DLG1: variants seen among roughly 807,000 people sequenced by gnomAD.
The protein encoded by DLG1 is disks large homolog 1.
Under a neutral mutation model 123.4 loss-of-function variants are expected in DLG1, and 42 were observed. That is an observed-to-expected ratio of 0.34 (90% CI 0.27 to 0.44). DLG1 has a LOEUF of 0.44. DLG1 is among the 20% of genes least tolerant of loss of function. The pLI is 1.00. For missense variants in DLG1, 942 were observed against 1,082.6 expected, an observed-to-expected ratio of 0.87 and a Z score of 1.82; for synonymous variants, 317 against 356.2, an observed-to-expected ratio of 0.89 and a Z score of 1.24.
At chr3:197,188,260 T>G (rs1366148620) in intron 5 of DLG1, among the ~76,000 whole-genome samples, 1 of 152,196 alleles carries the variant, frequency 6.6e-6, no homozygotes, top group African/African-American at 2.4e-5. Flanking sequence ...AGTAACGGCC[T>G]CCTCCTCTGA....
chr3:197,170,504 C>G (rs1280169213), intron 5 of DLG1, among the ~76,000 whole-genome samples: 1 of 152,116 alleles, frequency 6.6e-6, no homozygotes, highest in African/African-American at 2.4e-5. Flanking sequence ...CTCTAATGAT[C>G]AGTGACGCTA....
chr3:197,243,259 G>A (rs1052154603), intron 4 of DLG1, among the ~76,000 whole-genome samples: 5 of 152,122 alleles, frequency 3.3e-5, no homozygotes, highest in African/African-American at 1.2e-4. Context: ...TTCGAGTAAG[G>A]CGGCATGGGT....
chr3:197,114,993 A>G (rs1359267189), intron 13 of DLG1, among the ~76,000 whole-genome samples: 3 of 149,798 alleles, frequency 2.0e-5, no homozygotes, highest in Non-Finnish European at 4.5e-5. Flanking sequence ...CAAGGAAAAA[A>G]AAAAAAAAAA....
chr3:197,237,156 G>A (rs564735054), intron 4 of DLG1, among the ~76,000 whole-genome samples: 20 of 152,218 alleles, frequency 1.3e-4, no homozygotes, highest in East Asian at 1.2e-3. Context: ...GAAAGAGAGC[G>A]TAGACACTTT....
intron 4 of DLG1, among the ~76,000 whole-genome samples, chr3:197,281,133 G>A (rs1401749623): frequency 1.3e-5 from 2 of 151,738 alleles, no homozygotes; most frequent in African/African-American, 4.9e-5. Flanking sequence ...CGCCTCCCAG[G>A]TTCAAGCAAT....
intron 3 of DLG1, among the ~76,000 whole-genome samples, chr3:197,288,743 A>AAAAACATACATACATACATAC (rs1553827364): frequency 1.4e-5 from 1 of 72,078 alleles, no homozygotes; most frequent in Non-Finnish European, 2.4e-5. Context: ...AAAAAAAAAA[A>AAAAACATACATACATACATAC]ATACATACAT....
rs1737903902 is a variant in DLG1 at position 197,064,215 on chromosome 3, CAG to C, written c.2373+1059_2373+1060del. Among the ~76,000 whole-genome samples, 4 of 147,036 alleles carry C rather than the reference CAG, an allele frequency of 2.7e-5. No homozygotes were observed. The Admixed American group carries it at 2.7e-4, about 10-fold the overall frequency. The stretch of plus-strand genomic sequence containing the variant: ...GCCTTATTTTTTTTTTTTTTTGAGG[CAG>C]AGTTTCACTCTTGTCACCCAGGTTG... On this transcript the variant is annotated intron_variant, in intron 22 of 24. Coordinates refer to ENST00000667157, the MANE Select transcript of DLG1 (RefSeq NM_001366207.1).
At chr3:197,245,738 T>C (rs1421134431) in intron 4 of DLG1, among the ~76,000 whole-genome samples, 3 of 152,104 alleles carry the variant, frequency 2.0e-5, no homozygotes, top group South Asian at 2.1e-4. Flanking sequence ...GGAGTGAAGA[T>C]GGGAATGGCA....
intron 4 of DLG1, among the ~76,000 whole-genome samples, chr3:197,224,335 TTGAAACATC>T (rs975936295): frequency 1.3e-5 from 2 of 152,262 alleles, no homozygotes; most frequent in Non-Finnish European, 2.9e-5. Flanking sequence ...TAATAGTATT[TTGAAACATC>T]TTATATACAT....
intron 4 of DLG1, among the ~76,000 whole-genome samples, chr3:197,232,034 G>C (rs1282335288): frequency 6.6e-6 from 1 of 152,076 alleles, no homozygotes; most frequent in African/African-American, 2.4e-5. Flanking sequence ...AGAATCAGAG[G>C]AACACCAACA....
intron 5 of DLG1, among the ~76,000 whole-genome samples, chr3:197,178,139 C>CA (rs1231680393): frequency 6.6e-6 from 1 of 152,064 alleles, no homozygotes; most frequent in African/African-American, 2.4e-5. Flanking sequence ...GGTAAGAAGA[C>CA]AGAGTAATGT....
At position 197,297,970 on chromosome 3, in the gene DLG1, C is replaced by A; in HGVS notation, c.-32+566G>T. On this transcript the variant is annotated intron_variant, in intron 1 of 24. Coordinates refer to ENST00000667157, the MANE Select transcript of DLG1 (RefSeq NM_001366207.1). ...GAGCTCCCCTGGGCCGCCGCACCCC[C>A]GCGGCCTCGTCCTCCTTCTCGGCCG... is the stretch of plus-strand genomic sequence containing the variant. 6.2e-6 allele frequency: 6 copies of A among 975,330 alleles called. No individual in the cohort carries two copies. The South Asian group carries it at 2.4e-4, about 39-fold the overall frequency. The allele number at this position is 975,330 out of a possible 1,614,324, so 60.4% of individuals were successfully genotyped here. A position where few individuals can be genotyped will look rare whatever the true frequency, so the allele number is the denominator to read the frequency against.
intron 23 of DLG1, among the ~76,000 whole-genome samples, chr3:197,056,313 C>A (rs1049243038): frequency 2.6e-5 from 4 of 152,164 alleles, no homozygotes; most frequent in Non-Finnish European, 5.9e-5. Flanking sequence ...CAGGAATATA[C>A]CCAACTTGGT....
intron 23 of DLG1, among the ~76,000 whole-genome samples, chr3:197,053,992 C>T (rs919020199): frequency 4.0e-5 from 6 of 149,936 alleles, no homozygotes; most frequent in Non-Finnish European, 8.9e-5. Context: ...CTTGGGAGGC[C>T]GAGGTGAGAG....
chr3:197,147,706 T>C (rs1300526512), intron 6 of DLG1, among the ~76,000 whole-genome samples: 3 of 151,868 alleles, frequency 2.0e-5, no homozygotes. Flanking sequence ...AAAGACTACA[T>C]ACTGGGTACA....
At position 197,261,462 on chromosome 3, in the gene DLG1, G is replaced by T. The variant is rs1176148823; in HGVS notation, c.318+21217C>A. Among the ~76,000 whole-genome samples the T allele has an allele frequency of 2.6e-5, 4 of 152,252 alleles. No individual in the cohort carries two copies. The East Asian group carries it at 5.8e-4, about 22-fold the overall frequency. On this transcript the variant is annotated intron_variant, in intron 4 of 24. Coordinates refer to ENST00000667157, the MANE Select transcript of DLG1 (RefSeq NM_001366207.1). The stretch of plus-strand genomic sequence containing the variant: ...GTCTGTAAAAACCTTTAAAATCCAA[G>T]AAATTTTCTAACAAATTTTTAATGC...
At chr3:197,297,365 A>G in intron 1 of DLG1, 130 bp from the exon 2 acceptor site, 1 of 1,467,740 alleles carries the variant, frequency 6.8e-7, no homozygotes, top group Non-Finnish European at 9.0e-7. Context: ...AGTCAAAGAA[A>G]GAGTCTCAAA....
intron 4 of DLG1, among the ~76,000 whole-genome samples, chr3:197,200,594 G>A (rs1028640277): frequency 1.3e-5 from 2 of 151,992 alleles, no homozygotes; most frequent in Non-Finnish European, 2.9e-5. Flanking sequence ...CTAGCAAATC[G>A]AACCCGACAG....
At chr3:197,045,509 A>AG in intron 24 of DLG1, among the ~76,000 whole-genome samples, 1 of 151,640 alleles carries the variant, frequency 6.6e-6, no homozygotes, top group East Asian at 1.9e-4. Context: ...GGGAGGCTGA[A>AG]GTGGGAGGGT....
Sources: allele counts gnomAD v4.1 joint callset (sites outside exome capture counted in the v4.1 genomes callset), GRCh38; gene constraint gnomAD v4.1.1; transcripts MANE v1.5; gene names NCBI Gene and HGNC (gene_info 2026-07-23, HGNC 2026-07-21).